Variants in NOVA1 observed in about 807,000 individuals in gnomAD.
NOVA1 encodes the protein RNA-binding protein Nova-1.
NOVA1 carries 7 observed loss-of-function variants against 38.0 expected under a neutral mutation model. That is an observed-to-expected ratio of 0.18 (90% CI 0.10 to 0.35). NOVA1 has a LOEUF of 0.35. Among genes scored for constraint, NOVA1 ranks in the 10% least tolerant of loss-of-function variants. The probability of loss-of-function intolerance (pLI) is 1.00; values close to 1 mark genes in which losing one functional copy is unlikely to be tolerated. For missense variants in NOVA1, 460 were observed against 616.0 expected (o/e 0.75, Z 2.68); for synonymous variants, 270 against 232.5 (o/e 1.16, Z -1.47).
Position 26,447,754 on chromosome 14 carries a change from C to T in NOVA1, c.*205G>A. ...ATATACACAAGCAAAGTATAGAGAA[C>T]AAAACAGATCAAGAAAAAATTCTTT... On this transcript the variant is annotated 3_prime_UTR_variant, in exon 5 of 5. Transcript: ENST00000539517. 2 of 590,834 alleles carry T rather than the reference C, an allele frequency of 3.4e-6. No individual in the cohort carries two copies. The highest frequency in any genetic ancestry group is 6.0e-6 in the Non-Finnish European group (2 of 332,570). 36.6% of individuals were successfully genotyped at this position (590,834 alleles called of 1,614,324 possible).
At chr14:26,565,499 G>A (rs554023186) in intron 2 of NOVA1, among the ~76,000 whole-genome samples, 42 of 151,794 alleles carry the variant, frequency 2.8e-4, no homozygotes, top group Admixed American at 7.2e-4. Flanking sequence ...ACCATTTTTC[G>A]TTTTTTGTGT....
At chr14:26,484,457 A>AAAAAAAAC (rs1175375616) in intron 2 of NOVA1, among the ~76,000 whole-genome samples, 1 of 102,586 alleles carries the variant, frequency 9.7e-6, no homozygotes, top group Non-Finnish European at 2.0e-5. Context: ...AAAAAAAAAA[A>AAAAAAAAC]AAAAAGAAAT....
intron 4 of NOVA1, among the ~76,000 whole-genome samples, chr14:26,453,718 G>A (rs965082279): frequency 6.6e-6 from 1 of 151,956 alleles, no homozygotes; most frequent in African/African-American, 2.4e-5. Flanking sequence ...CTACCTATAG[G>A]CATCATATTT....
At chr14:26,491,794 G>C (rs1190766428) in intron 2 of NOVA1, among the ~76,000 whole-genome samples, 1 of 152,016 alleles carries the variant, frequency 6.6e-6, no homozygotes, top group Non-Finnish European at 1.5e-5. Context: ...ATTAATTATT[G>C]TCTTTCCTAA....
At chr14:26,468,917 G>T (rs1884366009) in intron 4 of NOVA1, among the ~76,000 whole-genome samples, 1 of 152,030 alleles carries the variant, frequency 6.6e-6, no homozygotes, top group South Asian at 2.1e-4. Flanking sequence ...AAGGACTAAG[G>T]TTAAAACCAA....
chr14:26,470,541 T>A (rs1360125964), intron 4 of NOVA1: 1 of 1,181,894 alleles, frequency 8.5e-7, no homozygotes, highest in South Asian at 1.3e-5. Context: ...TATAACAGAG[T>A]ATAGTGGACA....
chr14:26,490,846 T>G (rs1483167166), intron 2 of NOVA1, among the ~76,000 whole-genome samples: 9 of 138,536 alleles, frequency 6.5e-5, no homozygotes, highest in Admixed American at 2.2e-4. Context: ...TGGCTAGTTT[T>G]TTTTTTTTTT....
intron 2 of NOVA1, among the ~76,000 whole-genome samples, chr14:26,530,299 A>C (rs1380279442): frequency 6.6e-6 from 1 of 152,222 alleles, no homozygotes; most frequent in Non-Finnish European, 1.5e-5. Flanking sequence ...GCATGCTTGA[A>C]AAATAAGTTA....
In NOVA1 at chr14:26,447,773, A is replaced by G. The variant is rs1412896706; in HGVS notation, c.*186T>C. 1 of 606,966 alleles carries G rather than the reference A, an allele frequency of 1.6e-6. No individual in the cohort carries two copies. The highest frequency in any genetic ancestry group is 2.9e-6 in the Non-Finnish European group (1 of 341,840). The allele number at this position is 606,966 out of a possible 1,614,324, so 37.6% of individuals were successfully genotyped here. On this transcript the variant is annotated 3_prime_UTR_variant, in exon 5 of 5. Transcript: ENST00000539517. ...AGAGAACAAAACAGATCAAGAAAAAATTCTTTCTATGAAACATCTGGTAAA... is the reference window on the plus strand; with the variant it reads ...AGAGAACAAAACAGATCAAGAAAAAGTTCTTTCTATGAAACATCTGGTAAA...
chr14:26,562,113 A>G (rs963221314), intron 2 of NOVA1, among the ~76,000 whole-genome samples: 18 of 152,144 alleles, frequency 1.2e-4, no homozygotes, highest in Non-Finnish European at 2.1e-4. Context: ...ATTGGAAGTC[A>G]TTTTTAAGGT....
intron 4 of NOVA1, among the ~76,000 whole-genome samples, chr14:26,453,538 T>G (rs1882907663): frequency 6.6e-6 from 1 of 152,154 alleles, no homozygotes; most frequent in South Asian, 2.1e-4. Flanking sequence ...TTTCTCTATT[T>G]GCAATCACAA....
chr14:26,539,408 G>A (rs1018769093), intron 2 of NOVA1, among the ~76,000 whole-genome samples: 1 of 151,990 alleles, frequency 6.6e-6, no homozygotes, highest in Admixed American at 6.6e-5. Context: ...AAACATACAG[G>A]CTTCAGATTT....
chr14:26,468,481 T>C (rs1884327223), intron 4 of NOVA1, among the ~76,000 whole-genome samples: 1 of 152,194 alleles, frequency 6.6e-6, no homozygotes, highest in African/African-American at 2.4e-5. Context: ...ATGCATGGGC[T>C]CTTGACCTAC....
At chr14:26,479,239 A>T (rs1218069649) in intron 3 of NOVA1, 1 of 152,072 alleles carries the variant, frequency 6.6e-6, no homozygotes. Context: ...GAACATAATA[A>T]ATTTATAGAC....
At chr14:26,575,554 C>T (rs1892789023) in intron 2 of NOVA1, among the ~76,000 whole-genome samples, 1 of 152,048 alleles carries the variant, frequency 6.6e-6, no homozygotes, top group Non-Finnish European at 1.5e-5. Context: ...AAAGCATACA[C>T]AAGTTCTTGT....
At chr14:26,529,612 C>T (rs941212105) in intron 2 of NOVA1, among the ~76,000 whole-genome samples, 1 of 152,166 alleles carries the variant, frequency 6.6e-6, no homozygotes, top group East Asian at 1.9e-4. Flanking sequence ...GGTTCGTGAT[C>T]CTCTGGAAAA....
chr14:26,519,533 C>T (rs1044648531), intron 2 of NOVA1: 6 of 151,908 alleles, frequency 3.9e-5, no homozygotes, highest in South Asian at 4.1e-4. Context: ...AATTTGTTTT[C>T]GTAGAATTAG....
At chr14:26,473,291 C>G (rs1341032088) in intron 3 of NOVA1, among the ~76,000 whole-genome samples, 3 of 151,222 alleles carry the variant, frequency 2.0e-5, no homozygotes, top group Non-Finnish European at 3.0e-5. Flanking sequence ...ACAGAAATAC[C>G]TTAAAAGTGT....
At chr14:26,464,912 A>T (rs2138221092) in intron 4 of NOVA1, among the ~76,000 whole-genome samples, 1 of 152,272 alleles carries the variant, frequency 6.6e-6, no homozygotes, top group African/African-American at 2.4e-5. Flanking sequence ...TTTATTCCTA[A>T]GAATGTTTGC....
Sources: gnomAD v4.1 joint callset for allele counts (sites outside exome capture counted in the v4.1 genomes callset) on GRCh38, gnomAD v4.1.1 for gene constraint, MANE v1.5 for transcripts, NCBI Gene and HGNC (gene_info 2026-07-23, HGNC 2026-07-21) for gene names.